Variants in RUNDC3B observed in about 807,000 individuals in gnomAD.
RUNDC3B encodes RUN domain-containing protein 3B.
In RUNDC3B, 33 loss-of-function variants were observed where a neutral mutation model predicts 58.4. The observed-to-expected ratio is 0.56, with a 90% CI of 0.43 to 0.75. RUNDC3B has a LOEUF of 0.75. RUNDC3B is among the 30% of genes least tolerant of loss of function. The probability of loss-of-function intolerance (pLI) is 0.00; values close to 1 mark genes in which losing one functional copy is unlikely to be tolerated. For synonymous variants in RUNDC3B, 193 were observed against 195.2 expected (o/e 0.99, Z 0.10); for missense variants, 501 against 535.7 (o/e 0.94, Z 0.64).
chr7:87,770,773 A>G, intron 7 of RUNDC3B, 24 bp downstream of exon 7: 1 of 1,540,910 alleles, frequency 6.5e-7, no homozygotes, highest in South Asian at 1.1e-5. Flanking sequence ...ATCAAAACGT[A>G]CTTAATTTTA....
intron 4 of RUNDC3B, among the ~76,000 whole-genome samples, chr7:87,726,164 C>T (rs1184443280): frequency 2.6e-5 from 4 of 152,274 alleles, no homozygotes; most frequent in African/African-American, 9.6e-5. Context: ...GAAGTCCTTG[C>T]CCATGCCTAT....
At chr7:87,684,070 G>A (rs763188243) in intron 2 of RUNDC3B, among the ~76,000 whole-genome samples, 1 of 152,092 alleles carries the variant, frequency 6.6e-6, no homozygotes, top group Non-Finnish European at 1.5e-5. Context: ...GCATAGAAAA[G>A]CATTTGACAA....
chr7:87,811,159 C>T (rs1333235732), intron 9 of RUNDC3B, among the ~76,000 whole-genome samples: 1 of 152,006 alleles, frequency 6.6e-6, no homozygotes, highest in Non-Finnish European at 1.5e-5. Flanking sequence ...AGATTATTGC[C>T]TAACTCACCC....
At chr7:87,818,972 C>T (rs1031171163) in intron 10 of RUNDC3B, among the ~76,000 whole-genome samples, 4 of 152,118 alleles carry the variant, frequency 2.6e-5, no homozygotes, top group Admixed American at 1.3e-4. Flanking sequence ...GAGGTACTTC[C>T]GGCAGCACTC....
At chr7:87,703,128 TA>T (rs1194499696) in intron 3 of RUNDC3B, among the ~76,000 whole-genome samples, 1 of 152,168 alleles carries the variant, frequency 6.6e-6, no homozygotes. Flanking sequence ...GATGAAGACA[TA>T]ATTCATTATT....
At chr7:87,633,727 T>A (rs1821459223) in intron 1 of RUNDC3B, among the ~76,000 whole-genome samples, 1 of 152,150 alleles carries the variant, frequency 6.6e-6, no homozygotes, top group African/African-American at 2.4e-5. Context: ...GCTTTAGAAC[T>A]CTGAACTTCT....
intron 4 of RUNDC3B, among the ~76,000 whole-genome samples, chr7:87,715,263 T>C (rs1363615031): frequency 7.5e-6 from 1 of 133,300 alleles, no homozygotes; most frequent in Non-Finnish European, 1.6e-5. Context: ...TTATATATAA[T>C]TAATTTATAA....
Position 87,715,394 on chromosome 7 carries a change from A to C in RUNDC3B, c.458+4739A>C, listed in dbSNP as rs908163620. Reference sequence around the variant, plus strand: ...ATAATTATATAATCAATATAATATAATATATTTAATATTTAATATAATATA... The same window carrying C: ...ATAATTATATAATCAATATAATATACTATATTTAATATTTAATATAATATA... On this transcript the variant is annotated intron_variant, in intron 4 of 10. Coordinates refer to ENST00000394654, the MANE Select transcript of RUNDC3B (RefSeq NM_001134405.2). 4.0e-3 allele frequency among the ~76,000 whole-genome samples: 504 copies of C among 126,262 alleles called. 3 individuals are homozygous for C. The highest frequency in any genetic ancestry group is 6.2e-3 in the Non-Finnish European group (388 of 62,446). The allele number at this position is 126,262 out of a possible 152,430, so 82.8% of individuals were successfully genotyped here.
At chr7:87,628,970 ACCAGCCT>A (rs778655963) in intron 1 of RUNDC3B, 25 bp downstream of exon 1, 1 of 1,306,982 alleles carries the variant, frequency 7.7e-7, no homozygotes, top group Admixed American at 3.1e-5. Flanking sequence ...GGCGAGGGGA[ACCAGCCT>A]CCCGCCGGGG....
intron 4 of RUNDC3B, among the ~76,000 whole-genome samples, chr7:87,716,742 A>G (rs1290739716): frequency 6.6e-6 from 1 of 152,206 alleles, no homozygotes. Flanking sequence ...TTACTGTACA[A>G]CTGTTACAGC....
At chr7:87,666,349 T>C (rs918128509) in intron 2 of RUNDC3B, among the ~76,000 whole-genome samples, 1 of 152,138 alleles carries the variant, frequency 6.6e-6, no homozygotes, top group South Asian at 2.1e-4. Flanking sequence ...TGTTTTTTCC[T>C]TGTAAATTTG....
intron 4 of RUNDC3B, among the ~76,000 whole-genome samples, chr7:87,737,406 A>T (rs934445820): frequency 3.3e-5 from 5 of 152,108 alleles, no homozygotes; most frequent in Non-Finnish European, 7.4e-5. Context: ...GGAATATTTG[A>T]AAGTATTGAC....
intron 2 of RUNDC3B, among the ~76,000 whole-genome samples, chr7:87,663,609 T>C (rs1355182617): frequency 6.6e-6 from 1 of 152,210 alleles, no homozygotes; most frequent in East Asian, 1.9e-4. Flanking sequence ...TCCACATTAT[T>C]GCTTTTAAAA....
intron 8 of RUNDC3B, among the ~76,000 whole-genome samples, chr7:87,779,264 G>T (rs1834808534): frequency 6.6e-6 from 1 of 152,132 alleles, no homozygotes; most frequent in African/African-American, 2.4e-5. Flanking sequence ...TCCAATTCAG[G>T]ATTGTGTTTG....
chr7:87,736,847 A>G (rs1263427782), intron 4 of RUNDC3B, among the ~76,000 whole-genome samples: 1 of 114,774 alleles, frequency 8.7e-6, no homozygotes, highest in East Asian at 2.4e-4. Context: ...ATGTGTGTAT[A>G]TATATACCTA....
intron 8 of RUNDC3B, among the ~76,000 whole-genome samples, chr7:87,802,987 A>G (rs1240433890): frequency 6.6e-6 from 1 of 152,224 alleles, no homozygotes; most frequent in Non-Finnish European, 1.5e-5. Context: ...CCTACTCAAA[A>G]TAAATAATGA....
intron 6 of RUNDC3B, among the ~76,000 whole-genome samples, chr7:87,741,904 G>C (rs1241575327): frequency 6.6e-6 from 1 of 151,996 alleles, no homozygotes; most frequent in African/African-American, 2.4e-5. Flanking sequence ...CTATAATTCA[G>C]TATTTAGATT....
At chr7:87,801,068 G>T (rs1423642672) in intron 8 of RUNDC3B, among the ~76,000 whole-genome samples, 4 of 152,180 alleles carry the variant, frequency 2.6e-5, no homozygotes, top group African/African-American at 9.7e-5. Flanking sequence ...ATGAGGTCAG[G>T]TGTGGAATTT....
intron 6 of RUNDC3B, among the ~76,000 whole-genome samples, chr7:87,745,130 C>CAT (rs1188206694): frequency 6.6e-6 from 1 of 152,130 alleles, no homozygotes; most frequent in African/African-American, 2.4e-5. Context: ...TATTGACTTG[C>CAT]ATATGTTAAA....
Sources: allele counts gnomAD v4.1 joint callset (sites outside exome capture counted in the v4.1 genomes callset), GRCh38; gene constraint gnomAD v4.1.1; transcripts MANE v1.5; gene names NCBI Gene and HGNC (gene_info 2026-07-23, HGNC 2026-07-21).